PRKN: variants seen among roughly 807,000 people sequenced by gnomAD.
PRKN encodes the protein E3 ubiquitin-protein ligase parkin.
In PRKN, 56 loss-of-function variants were observed where a neutral mutation model predicts 59.5. That is an observed-to-expected ratio of 0.94 (90% confidence interval 0.76 to 1.18). PRKN has a LOEUF of 1.18. Ranked by LOEUF, PRKN falls within the 50% of genes most tolerant of loss-of-function variation. The probability of loss-of-function intolerance (pLI) is 0.00; values close to 1 mark genes in which losing one functional copy is unlikely to be tolerated. For missense variants in PRKN, 657 were observed against 596.4 expected (o/e 1.10, Z -1.06); for synonymous variants, 250 against 222.1 (o/e 1.13, Z -1.12).
At chr6:162,329,473 G>A (rs1464159680) in intron 2 of PRKN, among the ~76,000 whole-genome samples, 1 of 152,116 alleles carries the variant, frequency 6.6e-6, no homozygotes, top group East Asian at 1.9e-4. Flanking sequence ...GGTTGGAAGG[G>A]ACTCCGTAAG....
intron 4 of PRKN, among the ~76,000 whole-genome samples, chr6:162,076,803 A>C (rs1245789958): frequency 6.6e-6 from 1 of 152,160 alleles, no homozygotes; most frequent in Non-Finnish European, 1.5e-5. Context: ...TGCAATGTAC[A>C]TGGATTTCAT....
chr6:161,737,423 A>G (rs6920879), intron 7 of PRKN, among the ~76,000 whole-genome samples: 74,566 of 152,018 alleles, frequency 0.49, 18,595 homozygotes, highest in East Asian at 0.77. Flanking sequence ...TCTGAAAACT[A>G]TCTAAGGATA....
intron 6 of PRKN, among the ~76,000 whole-genome samples, chr6:161,909,074 GT>G (rs1456020692): frequency 6.6e-6 from 1 of 152,178 alleles, no homozygotes; most frequent in Non-Finnish European, 1.5e-5. Context: ...TCTCCTGTTT[GT>G]TGGTACTTCC....
intron 3 of PRKN, among the ~76,000 whole-genome samples, chr6:162,242,934 T>C (rs533598847): frequency 1.1e-4 from 17 of 152,116 alleles, no homozygotes; most frequent in South Asian, 4.1e-4. Context: ...TTGAAAACAA[T>C]AGAATAATTA....
At chr6:162,263,110 C>T (rs959360874) in intron 2 of PRKN, among the ~76,000 whole-genome samples, 2 of 152,126 alleles carry the variant, frequency 1.3e-5, no homozygotes, top group Admixed American at 6.6e-5. Context: ...GACAGAGTCT[C>T]ACTCTGTCAT....
At chr6:161,705,104 T>C (rs1786426294) in intron 7 of PRKN, among the ~76,000 whole-genome samples, 1 of 152,206 alleles carries the variant, frequency 6.6e-6, no homozygotes, top group Non-Finnish European at 1.5e-5. Context: ...ATCCAAATTA[T>C]TGTGGGCATG....
intron 2 of PRKN, among the ~76,000 whole-genome samples, chr6:162,362,243 T>C (rs558279555): frequency 2.0e-5 from 3 of 152,294 alleles, no homozygotes; most frequent in East Asian, 3.9e-4. Context: ...AAAAATCAAA[T>C]CATCTCAAGA....
At chr6:161,658,187 ATG>A (rs761145422) in intron 7 of PRKN, among the ~76,000 whole-genome samples, 20 of 149,222 alleles carry the variant, frequency 1.3e-4, no homozygotes, top group Admixed American at 2.7e-4. Context: ...TTACTATGGC[ATG>A]TATATATTAA....
intron 7 of PRKN, among the ~76,000 whole-genome samples, chr6:161,639,098 A>G (rs79765101): frequency 6.6e-5 from 10 of 152,268 alleles, no homozygotes; most frequent in African/African-American, 2.4e-4. Context: ...CGCCATGTGA[A>G]GAAGGACATG....
At chr6:162,693,736 G>A (rs1158202399) in intron 1 of PRKN, among the ~76,000 whole-genome samples, 1 of 152,132 alleles carries the variant, frequency 6.6e-6, no homozygotes, top group Non-Finnish European at 1.5e-5. Flanking sequence ...CATAATAAAA[G>A]TTCAATTGAA....
chr6:161,956,542 A>T (rs893492121), intron 6 of PRKN, among the ~76,000 whole-genome samples: 2 of 151,514 alleles, frequency 1.3e-5, no homozygotes, highest in Admixed American at 1.3e-4. Flanking sequence ...TTTATGGAAA[A>T]ATAAACTCTC....
Position 162,510,411 on chromosome 6 carries a change from T to G in PRKN, c.8-66938A>C, listed in dbSNP as rs563288888. Among the ~76,000 whole-genome samples the G allele has an allele frequency of 7.5e-4, 114 of 152,256 alleles. 1 individual carries two copies. In the South Asian group the frequency reaches 0.017, roughly 22 times the overall value. On this transcript the variant is annotated intron_variant, in intron 1 of 11. Transcript: ENST00000366898. ...CTCACGTGTGAGAGGGCGACACTCCTAGGTAAGTCTGGCCACGATCAAATC... is the reference window on the plus strand; with the variant it reads ...CTCACGTGTGAGAGGGCGACACTCCGAGGTAAGTCTGGCCACGATCAAATC...
At chr6:162,169,010 C>T (rs985146608) in intron 4 of PRKN, among the ~76,000 whole-genome samples, 1 of 152,114 alleles carries the variant, frequency 6.6e-6, no homozygotes, top group Non-Finnish European at 1.5e-5. Context: ...ATTTTATATC[C>T]TGCTGCACTA....
At chr6:162,552,274 T>G (rs1489077401) in intron 1 of PRKN, among the ~76,000 whole-genome samples, 1 of 151,894 alleles carries the variant, frequency 6.6e-6, no homozygotes, top group Non-Finnish European at 1.5e-5. Flanking sequence ...AAGTGCTAAG[T>G]GCAATGTAGG....
chr6:161,735,011 A>G (rs1261972955), intron 7 of PRKN, among the ~76,000 whole-genome samples: 2 of 150,958 alleles, frequency 1.3e-5, no homozygotes, highest in Non-Finnish European at 2.9e-5. Flanking sequence ...TAGGGATTAT[A>G]AACAAGCAAA....
In PRKN at chr6:161,487,875, A is replaced by C. The variant is rs1583140895; in HGVS notation, c.1083+60979T>G. Reference sequence around the variant, plus strand: ...CTGCTCCTTGCCTCCCTCCCTTCCCACCTCCCCCTACCTTCCTTCCTCTTT... The same window carrying C: ...CTGCTCCTTGCCTCCCTCCCTTCCCCCCTCCCCCTACCTTCCTTCCTCTTT... On this transcript the variant is annotated intron_variant, in intron 9 of 11. Coordinates refer to ENST00000366898, the MANE Select transcript of PRKN (RefSeq NM_004562.3). The surrounding 1 kb of genome is among the most constrained non-coding windows in gnomAD (Gnocchi z 5.3). Among the ~76,000 whole-genome samples the C allele has an allele frequency of 6.7e-6, 1 of 149,940 alleles. No individual in the cohort carries two copies. The highest frequency in any genetic ancestry group is 2.0e-4 in the East Asian group (1 of 5,110).
At chr6:162,695,611 T>C (rs961397178) in intron 1 of PRKN, among the ~76,000 whole-genome samples, 1 of 152,212 alleles carries the variant, frequency 6.6e-6, no homozygotes, top group Non-Finnish European at 1.5e-5. Context: ...TCAACACTAT[T>C]TCTGACCTTT....
At chr6:161,610,492 T>TACACACACACACACACAC (rs370179659) in intron 7 of PRKN, among the ~76,000 whole-genome samples, 9 of 139,858 alleles carry the variant, frequency 6.4e-5, no homozygotes, top group African/African-American at 2.4e-4. Flanking sequence ...ATATTAATAA[T>TACACACACACACACACAC]ACACACACAC....
chr6:162,403,415 T>C (rs981532035), intron 2 of PRKN, among the ~76,000 whole-genome samples: 5 of 152,174 alleles, frequency 3.3e-5, no homozygotes, highest in Non-Finnish European at 7.4e-5. Flanking sequence ...TATTTAGAAC[T>C]GCACTCTCTG....
Sources: allele counts gnomAD v4.1 joint callset (sites outside exome capture counted in the v4.1 genomes callset), GRCh38; gene constraint gnomAD v4.1.1; non-coding constraint Gnocchi (gnomAD v3.1); transcripts MANE v1.5; gene names NCBI Gene and HGNC (gene_info 2026-07-23, HGNC 2026-07-21).